The following SLC15A5 variants were observed in gnomAD, a reference collection of about 807,000 sequenced individuals.
SLC15A5 encodes the protein solute carrier family 15 member 5, also known as Peptide/histidine transporter ENSP00000340402.
In SLC15A5, 58 loss-of-function variants were observed where a neutral mutation model predicts 56.1. The observed-to-expected ratio is 1.03, with a 90% CI of 0.84 to 1.29. The LOEUF (loss-of-function observed/expected upper bound fraction) is 1.29, where lower values mean the gene tolerates loss of function less well. Ranked by LOEUF, SLC15A5 falls within the 50% of genes most tolerant of loss-of-function variation. The probability of loss-of-function intolerance (pLI) is 0.00; values close to 1 mark genes in which losing one functional copy is unlikely to be tolerated. For synonymous variants in SLC15A5, 264 were observed against 250.5 expected (o/e 1.05, Z -0.51); for missense variants, 681 against 672.1 (o/e 1.01, Z -0.15).
intron 4 of SLC15A5, among the ~76,000 whole-genome samples, chr12:16,242,069 G>A (rs1864418988): frequency 6.6e-6 from 1 of 152,140 alleles, no homozygotes; most frequent in Non-Finnish European, 1.5e-5. Context: ...GGCCAGTAAT[G>A]TCAAATGGCA....
At chr12:16,214,646 T>C (rs1864112796) in intron 7 of SLC15A5, among the ~76,000 whole-genome samples, 1 of 152,164 alleles carries the variant, frequency 6.6e-6, no homozygotes, top group Non-Finnish European at 1.5e-5. Context: ...TATTCTTATA[T>C]TGATGTGGTT....
intron 3 of SLC15A5, among the ~76,000 whole-genome samples, chr12:16,245,005 G>T (rs1295093614): frequency 6.6e-6 from 1 of 152,168 alleles, no homozygotes; most frequent in Non-Finnish European, 1.5e-5. Flanking sequence ...CCTAGCAGTT[G>T]ATGTCAAAAG....
At chr12:16,201,432 A>C (rs1196398348) in intron 7 of SLC15A5, among the ~76,000 whole-genome samples, 1 of 152,168 alleles carries the variant, frequency 6.6e-6, no homozygotes, top group Admixed American at 6.6e-5. Flanking sequence ...AAATCTGTGC[A>C]TTTACAGACA....
chr12:16,199,719 T>C (rs535871335), intron 7 of SLC15A5, among the ~76,000 whole-genome samples: 2 of 152,126 alleles, frequency 1.3e-5, no homozygotes, highest in Non-Finnish European at 2.9e-5. Flanking sequence ...TGAAAACAAG[T>C]ACACCTAGTA....
chr12:16,221,543 G>T (rs1864188088), intron 6 of SLC15A5, among the ~76,000 whole-genome samples: 1 of 152,190 alleles, frequency 6.6e-6, no homozygotes, highest in Non-Finnish European at 1.5e-5. Flanking sequence ...GGGGCAGATT[G>T]TAACCAAATG....
intron 7 of SLC15A5, among the ~76,000 whole-genome samples, chr12:16,195,945 T>C (rs1419059930): frequency 6.6e-6 from 1 of 152,086 alleles, no homozygotes; most frequent in African/African-American, 2.4e-5. Flanking sequence ...ATCTGAAAGC[T>C]AGCCTAAATA....
Position 16,224,538 on chromosome 12 carries a change from T to C in SLC15A5, c.1227A>G (p.Lys409=). ...MIAGFFEIHR[K]HFPAVEQPLS... Reference sequence around the variant, plus strand: ...GGGGCTGCTCCACTGCAGGGAAATGTTTTCGGTGTATTTCAAAGAAGCCAG... The same window carrying C: ...GGGGCTGCTCCACTGCAGGGAAATGCTTTCGGTGTATTTCAAAGAAGCCAG... Residue 409 remains lysine, a synonymous_variant, in exon 6 of 9, where the codon AAA becomes AAG. Coordinates refer to ENST00000344941, the MANE Select transcript of SLC15A5 (RefSeq NM_001170798.1). 1 of 1,537,006 alleles carries C rather than the reference T, an allele frequency of 6.5e-7. No homozygotes were observed. Among genetic ancestry groups the C allele is most frequent in the Non-Finnish European group, 8.7e-7 (1 of 1,146,836 alleles).
intron 5 of SLC15A5, among the ~76,000 whole-genome samples, chr12:16,224,932 G>A (rs1287120028): frequency 1.4e-5 from 2 of 138,786 alleles, no homozygotes; most frequent in Non-Finnish European, 3.0e-5. Context: ...CTGTGTCCAA[G>A]TATTCTCATT....
chr12:16,194,274 G>A, intron 8 of SLC15A5, 71 bp downstream of exon 8: 1 of 903,676 alleles, frequency 1.1e-6, no homozygotes, highest in African/African-American at 1.7e-5. Flanking sequence ...GAATTCCCTG[G>A]CTCAGTGATG....
chr12:16,197,709 T>C (rs1863907728), intron 7 of SLC15A5, among the ~76,000 whole-genome samples: 1 of 151,652 alleles, frequency 6.6e-6, no homozygotes, highest in Admixed American at 6.6e-5. Context: ...GAGCTTGATC[T>C]TGGGTCTGTC....
At chr12:16,256,792 G>A (rs1303607493) in intron 3 of SLC15A5, among the ~76,000 whole-genome samples, 9 of 151,740 alleles carry the variant, frequency 5.9e-5, no homozygotes, top group Admixed American at 4.6e-4. Context: ...CTGGGAGTCG[G>A]AGCTTGCAGT....
At chr12:16,201,939 C>T (rs1863961548) in intron 7 of SLC15A5, among the ~76,000 whole-genome samples, 1 of 152,066 alleles carries the variant, frequency 6.6e-6, no homozygotes, top group South Asian at 2.1e-4. Context: ...GACACTTATA[C>T]CAGATACGAA....
At chr12:16,194,218 C>A in intron 8 of SLC15A5, 127 bp downstream of exon 8, 1 of 523,102 alleles carries the variant, frequency 1.9e-6, no homozygotes, top group Non-Finnish European at 3.3e-6. Context: ...CCTGAATAAT[C>A]TGTTGAATTG....
intron 6 of SLC15A5, among the ~76,000 whole-genome samples, 177 bp from the exon 7 acceptor site, chr12:16,217,201 C>T (rs1864138611): frequency 6.6e-6 from 1 of 152,102 alleles, no homozygotes; most frequent in Non-Finnish European, 1.5e-5. Context: ...TTACAGATGT[C>T]TTCAAGGAAT....
At chr12:16,230,201 A>G (rs1261790134) in intron 5 of SLC15A5, among the ~76,000 whole-genome samples, 3 of 152,230 alleles carry the variant, frequency 2.0e-5, no homozygotes, top group Non-Finnish European at 2.9e-5. Flanking sequence ...GACAAATAGA[A>G]AAGTGAATTT....
chr12:16,230,443 C>T (rs1415145040), intron 5 of SLC15A5, among the ~76,000 whole-genome samples: 1 of 152,036 alleles, frequency 6.6e-6, no homozygotes, highest in African/African-American at 2.4e-5. Flanking sequence ...AAGAGCTGAA[C>T]CATCCCAGAC....
chr12:16,246,624 T>C (rs2136792768), intron 3 of SLC15A5, among the ~76,000 whole-genome samples: 1 of 152,314 alleles, frequency 6.6e-6, no homozygotes, highest in Admixed American at 6.5e-5. Context: ...GATTATTAAA[T>C]GATAAGTACT....
rs1184998578 is a variant in SLC15A5 at position 16,194,449 on chromosome 12, A to T, written c.1488T>A (p.Asn496Lys). The change falls in exon 8 of 9, where the codon AAT (asparagine) becomes AAA (lysine). Residue 496 changes from asparagine (N) to lysine (K), a missense_variant. Transcript: ENST00000344941. Reference protein sequence around the residue: ...VKLVYLISDGNWFPNTLNKGN... With the variant: ...VKLVYLISDGKWFPNTLNKGN... The stretch of plus-strand genomic sequence containing the variant: ...CTTTGTTTAATGTGTTTGGAAACCA[A>T]TTGCCTGTTTGGAACAAATGTAATT... The T allele has an allele frequency of 6.5e-7, 1 of 1,530,058 alleles. No individual in the cohort carries two copies. The highest frequency in any genetic ancestry group is 1.4e-5 in the African/African-American group (1 of 72,952). The allele number at this position is 1,530,058 out of a possible 1,614,324, so 94.8% of individuals were successfully genotyped here.
Position 16,269,375 on chromosome 12 carries a change from G to A in SLC15A5, c.584+3186C>T, listed in dbSNP as rs929908045. On this transcript the variant is annotated intron_variant, in intron 2 of 8. Coordinates refer to ENST00000344941, the MANE Select transcript of SLC15A5 (RefSeq NM_001170798.1). The surrounding 1 kb of genome is among the most constrained non-coding windows in gnomAD (Gnocchi z 4.7). ...GCAGCTTTAAAAAATCCTGGTCCCT[G>A]GATCCTACCTCTAACCAATGTAATC... 1.1e-4 allele frequency among the ~76,000 whole-genome samples: 17 copies of A among 152,102 alleles called. No homozygotes were observed. Among genetic ancestry groups the A allele is most frequent in the African/African-American group, 4.1e-4 (17 of 41,406 alleles).
Sources: gnomAD v4.1 joint callset for allele counts (sites outside exome capture counted in the v4.1 genomes callset) on GRCh38, gnomAD v4.1.1 for gene constraint, Gnocchi (gnomAD v3.1) non-coding constraint, MANE v1.5 for transcripts, NCBI Gene and HGNC (gene_info 2026-07-23, HGNC 2026-07-21) for gene names.